DOCK4: variants seen among roughly 807,000 people sequenced by gnomAD.
DOCK4 encodes the protein dedicator of cytokinesis 4.
A neutral mutation model predicts 268.1 loss-of-function variants in DOCK4; 97 were observed. The observed-to-expected ratio is 0.36, with a 90% CI of 0.31 to 0.43. The LOEUF (loss-of-function observed/expected upper bound fraction) is 0.43, where lower values mean the gene tolerates loss of function less well. Ranked by LOEUF, DOCK4 falls within the 20% of genes least tolerant of loss-of-function variation. The pLI is 1.00. For missense variants in DOCK4, 2,145 were observed against 2,455.7 expected, an observed-to-expected ratio of 0.87 and a Z score of 2.67; for synonymous variants, 954 against 887.2, an observed-to-expected ratio of 1.08 and a Z score of -1.34.
intron 1 of DOCK4, among the ~76,000 whole-genome samples, chr7:112,190,298 G>A (rs9656191): frequency 0.014 from 2,140 of 152,192 alleles, 45 homozygotes; most frequent in African/African-American, 0.049. Flanking sequence ...TAGCAAAGTC[G>A]GACAGTTTCA....
chr7:111,826,191 A>G (rs1481680925), intron 26 of DOCK4, among the ~76,000 whole-genome samples: 1 of 152,226 alleles, frequency 6.6e-6, no homozygotes, highest in Non-Finnish European at 1.5e-5. Context: ...CAGGTATTCC[A>G]CACAGAGGGA....
chr7:112,047,241 A>G (rs1804905777), intron 1 of DOCK4, among the ~76,000 whole-genome samples: 1 of 152,222 alleles, frequency 6.6e-6, no homozygotes, highest in Admixed American at 6.5e-5. Context: ...GAATCAAGTT[A>G]ACTTAACTGC....
intron 27 of DOCK4, among the ~76,000 whole-genome samples, chr7:111,815,544 G>C (rs1801473953): frequency 1.3e-5 from 2 of 152,034 alleles, no homozygotes; most frequent in African/African-American, 4.8e-5. Flanking sequence ...CAACTCAATA[G>C]TCAAAAAAGA....
chr7:111,812,025 C>A, intron 27 of DOCK4, 76 bp from the exon 28 acceptor site: 1 of 768,274 alleles, frequency 1.3e-6, no homozygotes, highest in Non-Finnish European at 2.0e-6. Context: ...TAAAAACCTA[C>A]TAAGATAAAA....
At chr7:111,836,340 A>C (rs1365041550) in intron 25 of DOCK4, among the ~76,000 whole-genome samples, 4 of 152,142 alleles carry the variant, frequency 2.6e-5, no homozygotes, top group Non-Finnish European at 5.9e-5. Context: ...CCTACCTCAC[A>C]AATTTCAAAA....
At chr7:112,062,431 T>C (rs1360548911) in intron 1 of DOCK4, among the ~76,000 whole-genome samples, 2 of 152,228 alleles carry the variant, frequency 1.3e-5, no homozygotes, top group Non-Finnish European at 2.9e-5. Flanking sequence ...TTAAATCTTA[T>C]ATTCCAAAGT....
rs907140158 is a variant in DOCK4 at position 111,934,879 on chromosome 7, T to C, written c.1066+661A>G. Among the ~76,000 whole-genome samples the C allele has an allele frequency of 4.1e-4, 62 of 151,378 alleles. 1 individual carries two copies. Among genetic ancestry groups the C allele is most frequent in the Non-Finnish European group, 5.9e-5 (4 of 67,960 alleles). On this transcript the variant is annotated intron_variant, in intron 12 of 52. Transcript: ENST00000428084. ...ATTGGACCTCACTAAAAATTGCTAT[T>C]TATCAAACTTATTTCCACAGAACAG... is the stretch of plus-strand genomic sequence containing the variant.
chr7:112,159,189 A>G (rs1816870933), intron 1 of DOCK4, among the ~76,000 whole-genome samples: 1 of 152,046 alleles, frequency 6.6e-6, no homozygotes, highest in African/African-American at 2.4e-5. Context: ...TCAAGTCTCT[A>G]CCACTCTACA....
In DOCK4 at chr7:112,203,362, C is replaced by T. The variant is rs564653969; in HGVS notation, c.37+2740G>A. On this transcript the variant is annotated intron_variant, in intron 1 of 52. Coordinates refer to ENST00000428084, the MANE Select transcript of DOCK4 (RefSeq NM_001363540.2). ...CGTTGTTTTAATGAATTTAATCATT[C>T]ATTAAATGGGACGGTGCCTATACAT... Among the ~76,000 whole-genome samples the T allele has an allele frequency of 1.2e-4, 19 of 152,272 alleles. No individual in the cohort carries two copies. In the South Asian group the frequency reaches 3.7e-3, roughly 30 times the overall value.
At chr7:112,060,457 T>C (rs1169743038) in intron 1 of DOCK4, among the ~76,000 whole-genome samples, 1 of 152,214 alleles carries the variant, frequency 6.6e-6, no homozygotes, top group Non-Finnish European at 1.5e-5. Flanking sequence ...GATCCAGCAA[T>C]TCTATTCTGG....
intron 15 of DOCK4, among the ~76,000 whole-genome samples, chr7:111,898,375 C>T (rs1353741518): frequency 2.6e-5 from 4 of 152,216 alleles, no homozygotes; most frequent in African/African-American, 9.6e-5. Context: ...GAAGTCTTTC[C>T]TGACTGCCCT....
chr7:112,131,137 T>A (rs573111119), intron 1 of DOCK4, among the ~76,000 whole-genome samples: 1 of 152,194 alleles, frequency 6.6e-6, no homozygotes, highest in South Asian at 2.1e-4. Context: ...TTTTGAGGGG[T>A]CTTCTGTTCT....
At chr7:112,125,587 C>A (rs1011281767) in intron 1 of DOCK4, among the ~76,000 whole-genome samples, 2 of 152,160 alleles carry the variant, frequency 1.3e-5, no homozygotes, top group Admixed American at 6.5e-5. Flanking sequence ...TAGAGACAGA[C>A]AGACTGGGTT....
At chr7:112,185,582 C>T (rs1406429799) in intron 1 of DOCK4, among the ~76,000 whole-genome samples, 3 of 150,346 alleles carry the variant, frequency 2.0e-5, no homozygotes, top group Non-Finnish European at 4.4e-5. Context: ...AAAAGGAAGT[C>T]AGAACATGGG....
chr7:111,980,009 T>C (rs936629786), intron 7 of DOCK4, among the ~76,000 whole-genome samples: 4 of 152,202 alleles, frequency 2.6e-5, no homozygotes, highest in Non-Finnish European at 4.4e-5. Flanking sequence ...GTGATTCTAA[T>C]GGGCAATGAG....
At chr7:111,782,841 A>G (rs746593680) in intron 35 of DOCK4, 23 bp downstream of exon 35, 3 of 1,611,486 alleles carry the variant, frequency 1.9e-6, no homozygotes, top group Admixed American at 3.3e-5. Context: ...AGAAAAGGAG[A>G]AAAAGGGGAA....
chr7:111,806,046 T>A (rs1387501022), intron 30 of DOCK4, among the ~76,000 whole-genome samples: 2 of 152,238 alleles, frequency 1.3e-5, no homozygotes, highest in Non-Finnish European at 2.9e-5. Flanking sequence ...AAGATTTTAA[T>A]AGGTGTGGAC....
chr7:112,128,686 T>C (rs1007572566), intron 1 of DOCK4, among the ~76,000 whole-genome samples: 1 of 152,152 alleles, frequency 6.6e-6, no homozygotes, highest in African/African-American at 2.4e-5. Context: ...CGGTGCAAGA[T>C]GTGCTTTGTT....
Position 111,877,171 on chromosome 7 carries a change from T to A in DOCK4, c.1603A>T (p.Asn535Tyr). Residue 535 changes from asparagine (N) to tyrosine (Y), a missense_variant, in exon 17 of 53, where the codon AAT becomes TAT. Transcript: ENST00000428084. ...LIVHKCEENTNLQDTTRYLKL... is the reference protein window; with the variant it reads ...LIVHKCEENTYLQDTTRYLKL... ...AGGTAGCGGGTAGTATCCTGAAGAT[T>A]TGTGTTTTCTTCACACTGTTAAAAA... is the stretch of plus-strand genomic sequence containing the variant. 1 of 1,522,868 alleles carries A rather than the reference T, an allele frequency of 6.6e-7. No individual in the cohort carries two copies. The highest frequency in any genetic ancestry group is 8.8e-7 in the Non-Finnish European group (1 of 1,135,874). 94.3% of individuals were successfully genotyped at this position (1,522,868 alleles called of 1,614,324 possible).
Sources: allele counts gnomAD v4.1 joint callset (sites outside exome capture counted in the v4.1 genomes callset), GRCh38; gene constraint gnomAD v4.1.1; transcripts MANE v1.5; gene names NCBI Gene and HGNC (gene_info 2026-07-23, HGNC 2026-07-21).